Variants in CNOT6 observed in about 807,000 individuals in gnomAD.
The protein encoded by CNOT6 is CCR4-NOT transcription complex subunit 6.
CNOT6 carries 12 observed loss-of-function variants against 61.2 expected under a neutral mutation model. The ratio of observed to expected loss-of-function variants is 0.20; its 90% confidence interval spans 0.13 to 0.32. CNOT6 has a LOEUF of 0.32. CNOT6 is among the 10% of genes least tolerant of loss of function. The pLI is 1.00. For synonymous variants in CNOT6, 225 were observed against 240.6 expected, an observed-to-expected ratio of 0.94 and a Z score of 0.60; for missense variants, 405 against 663.9, an observed-to-expected ratio of 0.61 and a Z score of 4.28.
intron 1 of CNOT6, among the ~76,000 whole-genome samples, chr5:180,495,028 G>C (rs1046359748): frequency 6.6e-6 from 1 of 152,160 alleles, no homozygotes; most frequent in Non-Finnish European, 1.5e-5. Flanking sequence ...GGAGAGGGTC[G>C]GCGCTGGGCT....
At chr5:180,560,162 G>T (rs1230248231) in intron 4 of CNOT6, among the ~76,000 whole-genome samples, 1 of 152,052 alleles carries the variant, frequency 6.6e-6, no homozygotes, top group African/African-American at 2.4e-5. Context: ...GGTCAGGCTG[G>T]TCTTGAACTC....
At chr5:180,546,742 A>G (rs1759336569) in intron 2 of CNOT6, among the ~76,000 whole-genome samples, 1 of 152,226 alleles carries the variant, frequency 6.6e-6, no homozygotes, top group Non-Finnish European at 1.5e-5. Context: ...CTTCTGCTTA[A>G]AGAATTTTCT....
At chr5:180,519,955 C>G (rs1021399713) in intron 1 of CNOT6, among the ~76,000 whole-genome samples, 2 of 151,770 alleles carry the variant, frequency 1.3e-5, no homozygotes, top group Non-Finnish European at 2.9e-5. Context: ...TGCCTTAGCC[C>G]CTTGAGTAGC....
chr5:180,566,620 A>G (rs1760471150), intron 7 of CNOT6, among the ~76,000 whole-genome samples: 1 of 149,020 alleles, frequency 6.7e-6, no homozygotes, highest in Admixed American at 6.7e-5. Flanking sequence ...TTTCAGATAA[A>G]TAGTGTTGAA....
chr5:180,506,859 T>C (rs1455114030), intron 1 of CNOT6, among the ~76,000 whole-genome samples: 1 of 152,218 alleles, frequency 6.6e-6, no homozygotes, highest in African/African-American at 2.4e-5. Context: ...AAGCATTACC[T>C]GAATATTTGC....
intron 2 of CNOT6, among the ~76,000 whole-genome samples, chr5:180,544,403 A>G (rs1207303805): frequency 1.3e-5 from 2 of 152,254 alleles, no homozygotes; most frequent in Admixed American, 1.3e-4. Context: ...AGTTATGCTG[A>G]TAACTATTCT....
At chr5:180,544,052 C>T (rs576908960) in intron 2 of CNOT6, among the ~76,000 whole-genome samples, 2 of 152,242 alleles carry the variant, frequency 1.3e-5, no homozygotes, top group East Asian at 3.9e-4. Flanking sequence ...ACCTCGTGAT[C>T]CACCCGCCTC....
At chr5:180,571,564 A>G (rs969115927) in intron 11 of CNOT6, 132 bp downstream of exon 11, 51 of 687,454 alleles carry the variant, frequency 7.4e-5, no homozygotes, top group Non-Finnish European at 3.7e-5. Context: ...ATTGACAGCA[A>G]TGTTCTTTGT....
chr5:180,500,646 T>C (rs1297783923), intron 1 of CNOT6, among the ~76,000 whole-genome samples: 1 of 152,188 alleles, frequency 6.6e-6, no homozygotes, highest in East Asian at 1.9e-4. Context: ...TGATTATACT[T>C]GTTTAATACT....
At chr5:180,519,896 C>T (rs543381402) in intron 1 of CNOT6, among the ~76,000 whole-genome samples, 1 of 149,446 alleles carries the variant, frequency 6.7e-6, no homozygotes, top group African/African-American at 2.5e-5. Flanking sequence ...TACAGTGGCT[C>T]AATCTCTGCT....
At position 180,569,208 on chromosome 5, in the gene CNOT6, A is replaced by G. The variant is rs1224365692; in HGVS notation, c.1126A>G (p.Thr376Ala). ...ATACTCTGATGTGAAGTTGGTACAA[A>G]CTATGATGTTCCTCTCAGAAGTGAA... Reference protein sequence around the residue: ...PEYSDVKLVQTMMFLSEVKNI... With the variant: ...PEYSDVKLVQAMMFLSEVKNI... Residue 376 changes from threonine (T) to alanine (A), a missense_variant, in exon 10 of 12, where the codon ACT becomes GCT. Thr to Ala is a moderately conservative substitution (Grantham distance 58). Around this residue, in one of 5 missense-constraint regions of CNOT6, gnomAD observed 116 missense variants for 184.6 expected, o/e 0.63. Coordinates refer to ENST00000261951, the MANE Select transcript of CNOT6 (RefSeq NM_001370472.1). The G allele has an allele frequency of 1.2e-6, 2 of 1,614,006 alleles. No homozygotes were observed. The highest frequency in any genetic ancestry group is 1.3e-5 in the African/African-American group (1 of 74,922).
chr5:180,526,707 A>G (rs1023879446), intron 1 of CNOT6, among the ~76,000 whole-genome samples: 1 of 152,214 alleles, frequency 6.6e-6, no homozygotes, highest in Non-Finnish European at 1.5e-5. Flanking sequence ...ATGGGTATAC[A>G]GAGTAGGTAG....
intron 2 of CNOT6, among the ~76,000 whole-genome samples, chr5:180,540,736 G>T (rs1375003450): frequency 1.3e-5 from 2 of 152,146 alleles, no homozygotes; most frequent in Admixed American, 6.5e-5. Flanking sequence ...TGTAAGTTGA[G>T]GCGCACCTGT....
At chr5:180,543,338 C>A (rs982899359) in intron 2 of CNOT6, among the ~76,000 whole-genome samples, 1 of 151,942 alleles carries the variant, frequency 6.6e-6, no homozygotes, top group Non-Finnish European at 1.5e-5. Context: ...TGATAACAGG[C>A]GTGAGCCAGT....
intron 2 of CNOT6, chr5:180,534,373 G>C (rs1207112790): frequency 5.7e-6 from 1 of 176,380 alleles, no homozygotes; most frequent in South Asian, 1.4e-4. Context: ...ATTAGGTAGA[G>C]GATCACTGCT....
chr5:180,570,691 G>T (rs955333284), intron 10 of CNOT6, among the ~76,000 whole-genome samples: 8 of 152,328 alleles, frequency 5.3e-5, no homozygotes, highest in Non-Finnish European at 1.5e-5. Flanking sequence ...GTAAATGAAA[G>T]TATATTTTCA....
At chr5:180,530,307 T>G (rs572270922) in intron 2 of CNOT6, among the ~76,000 whole-genome samples, 7 of 152,246 alleles carry the variant, frequency 4.6e-5, no homozygotes, top group Non-Finnish European at 1.0e-4. Context: ...AAGTCCCGCT[T>G]TTTATGGAGC....
At chr5:180,522,738 TC>T (rs750240451) in intron 1 of CNOT6, among the ~76,000 whole-genome samples, 2 of 152,158 alleles carry the variant, frequency 1.3e-5, no homozygotes, top group Non-Finnish European at 2.9e-5. Flanking sequence ...GGCCTGGACC[TC>T]CTGGGCTCAA....
chr5:180,541,372 C>T (rs926456986), intron 2 of CNOT6, among the ~76,000 whole-genome samples: 31 of 150,026 alleles, frequency 2.1e-4, no homozygotes, highest in African/African-American at 6.4e-4. Context: ...CTCCTGACCT[C>T]GTGATCCACC....
Sources: gnomAD v4.1 joint callset for allele counts (sites outside exome capture counted in the v4.1 genomes callset) on GRCh38, gnomAD v4.1.1 for gene constraint, gnomAD v4.1.1 regional missense constraint, MANE v1.5 for transcripts, NCBI Gene and HGNC (gene_info 2026-07-23, HGNC 2026-07-21) for gene names.